SGCD: variants seen among roughly 807,000 people sequenced by gnomAD.
SGCD encodes delta-sarcoglycan.
A neutral mutation model predicts 36.6 loss-of-function variants in SGCD; 18 were observed. The ratio of observed to expected loss-of-function variants is 0.49; its 90% confidence interval spans 0.34 to 0.73. The LOEUF is 0.73. Ranked by LOEUF, SGCD falls within the 30% of genes least tolerant of loss-of-function variation. The pLI, the probability that SGCD is intolerant of heterozygous loss-of-function variation, is 0.01. For missense variants in SGCD, 387 were observed against 346.7 expected (o/e 1.12, Z -0.92); for synonymous variants, 133 against 130.6 (o/e 1.02, Z -0.12).
chr5:156,086,372 G>A (rs1761091596), intron 1 of SGCD, among the ~76,000 whole-genome samples: 1 of 152,206 alleles, frequency 6.6e-6, no homozygotes, highest in Admixed American at 6.5e-5. Context: ...AGTGCAGTGG[G>A]AGGGCAGTGA....
chr5:156,251,101 A>G (rs1162706484), intron 3 of SGCD, among the ~76,000 whole-genome samples: 2 of 152,376 alleles, frequency 1.3e-5, no homozygotes, highest in African/African-American at 4.8e-5. Context: ...GGAAATTAGA[A>G]AAGCAAACTA....
chr5:156,610,440 T>A (rs280454), intron 6 of SGCD, among the ~76,000 whole-genome samples: 3,741 of 152,282 alleles, frequency 0.025, 159 homozygotes, highest in Admixed American at 0.1. Context: ...GTGTGAGGTG[T>A]TTGTCTGCCC....
chr5:156,656,320 C>G (rs1763678077), intron 7 of SGCD, among the ~76,000 whole-genome samples: 1 of 151,910 alleles, frequency 6.6e-6, no homozygotes, highest in African/African-American at 2.4e-5. Context: ...CAATACAATA[C>G]CGTGTGATAA....
intron 7 of SGCD, among the ~76,000 whole-genome samples, chr5:156,671,086 C>T (rs1753269372): frequency 6.6e-6 from 1 of 151,518 alleles, no homozygotes; most frequent in Non-Finnish European, 1.5e-5. Context: ...TTTATAGCAT[C>T]CTGTATTAAT....
At chr5:156,620,598 T>G (rs1174863908) in intron 6 of SGCD, among the ~76,000 whole-genome samples, 1 of 152,038 alleles carries the variant, frequency 6.6e-6, no homozygotes. Flanking sequence ...TAGGGGGAAG[T>G]GTAATGGATG....
At chr5:156,600,585 T>C (rs1240031515) in intron 6 of SGCD, among the ~76,000 whole-genome samples, 5 of 152,178 alleles carry the variant, frequency 3.3e-5, no homozygotes, top group Non-Finnish European at 5.9e-5. Flanking sequence ...TTGTTGGCCA[T>C]GTAGGTTGAT....
chr5:155,758,631 C>A, the SGCD span, among the ~76,000 whole-genome samples: 1 of 152,132 alleles, frequency 6.6e-6, no homozygotes, highest in Admixed American at 6.5e-5. Context: ...CTCACAGGAG[C>A]ACGAACCGTA....
intron 1 of SGCD, among the ~76,000 whole-genome samples, chr5:156,017,676 T>G (rs1020629739): frequency 6.6e-6 from 1 of 152,144 alleles, no homozygotes. Flanking sequence ...TACTCTGAAA[T>G]AGTCTCTAGT....
At chr5:155,930,998 A>G (rs573950639) in intron 1 of SGCD, among the ~76,000 whole-genome samples, 23 of 152,240 alleles carry the variant, frequency 1.5e-4, no homozygotes, top group Middle Eastern at 6.8e-3. Flanking sequence ...TCTTCTCATG[A>G]ATTGTTGCCA....
At chr5:155,792,508 C>T in the SGCD span, among the ~76,000 whole-genome samples, 38 of 148,094 alleles carry the variant, frequency 2.6e-4, no homozygotes, top group African/African-American at 6.9e-4. Flanking sequence ...AGTATGCATC[C>T]GATAACAGTC....
intron 1 of SGCD, among the ~76,000 whole-genome samples, chr5:155,971,541 G>A (rs1195547623): frequency 6.6e-6 from 1 of 152,000 alleles, no homozygotes; most frequent in Non-Finnish European, 1.5e-5. Flanking sequence ...CCTCTGATTA[G>A]CCTATTGTTT....
intron 3 of SGCD, among the ~76,000 whole-genome samples, chr5:156,422,970 A>G (rs899961423): frequency 3.3e-5 from 5 of 151,160 alleles, no homozygotes; most frequent in Non-Finnish European, 7.4e-5. Context: ...AGACCAAGAA[A>G]TCGGCAAGTT....
At chr5:156,467,992 C>T (rs1389448415) in intron 3 of SGCD, among the ~76,000 whole-genome samples, 3 of 152,166 alleles carry the variant, frequency 2.0e-5, no homozygotes, top group African/African-American at 7.2e-5. Flanking sequence ...TGCTTGCTCA[C>T]TCTGCAGTGT....
intron 6 of SGCD, among the ~76,000 whole-genome samples, chr5:156,646,532 T>C (rs553802253): frequency 1.3e-5 from 2 of 152,270 alleles, no homozygotes; most frequent in African/African-American, 4.8e-5. Flanking sequence ...CTTTGTTGAA[T>C]ATAATGGAGC....
intron 3 of SGCD, among the ~76,000 whole-genome samples, chr5:156,207,164 T>G (rs1362086206): frequency 6.6e-6 from 1 of 152,034 alleles, no homozygotes; most frequent in Admixed American, 6.6e-5. Flanking sequence ...AAATCAGCTG[T>G]GTGGGAGGGT....
chr5:156,427,856 C>T (rs10038124), intron 3 of SGCD, among the ~76,000 whole-genome samples: 109,214 of 152,096 alleles, frequency 0.72, 40,459 homozygotes, highest in African/African-American at 0.91. Context: ...CTTGCATATG[C>T]TAAACCATCC....
intron 3 of SGCD, among the ~76,000 whole-genome samples, chr5:156,366,939 G>A (rs1194343855): frequency 6.6e-6 from 1 of 152,106 alleles, no homozygotes; most frequent in African/African-American, 2.4e-5. Context: ...CAGATAAATG[G>A]TTTATCTTCT....
intron 7 of SGCD, among the ~76,000 whole-genome samples, chr5:156,733,207 C>G (rs1756170116): frequency 6.6e-6 from 1 of 151,908 alleles, no homozygotes; most frequent in Admixed American, 6.6e-5. Context: ...TATCAATTTC[C>G]CTCTTAACAC....
intron 7 of SGCD, among the ~76,000 whole-genome samples, chr5:156,657,190 A>G (rs886563117): frequency 6.6e-5 from 10 of 151,958 alleles, no homozygotes; most frequent in African/African-American, 2.4e-4. Flanking sequence ...TGACAGTTAC[A>G]GTACCAAAAT....
Sources: gnomAD v4.1 joint callset for allele counts (sites outside exome capture counted in the v4.1 genomes callset) on GRCh38, gnomAD v4.1.1 for gene constraint, MANE v1.5 for transcripts, NCBI Gene and HGNC (gene_info 2026-07-23, HGNC 2026-07-21) for gene names.